Variants in PIP4K2B observed in about 807,000 individuals in gnomAD.
The protein encoded by PIP4K2B is phosphatidylinositol-5-phosphate 4-kinase type 2 beta, also known as phosphatidylinositol 5-phosphate 4-kinase type-2 beta.
A neutral mutation model predicts 42.0 loss-of-function variants in PIP4K2B; 3 were observed. The ratio of observed to expected loss-of-function variants is 0.07; its 90% CI spans 0.03 to 0.18. PIP4K2B has a LOEUF of 0.18. Ranked by LOEUF, PIP4K2B falls within the 10% of genes least tolerant of loss-of-function variation. The pLI is 1.00. For missense variants in PIP4K2B, 332 were observed against 562.3 expected (o/e 0.59, Z 4.14); for synonymous variants, 204 against 210.1 (o/e 0.97, Z 0.25).
At chr17:38,780,668 T>G in intron 3 of PIP4K2B, 64 bp from the exon 4 acceptor site, 1 of 1,538,668 alleles carries the variant, frequency 6.5e-7, no homozygotes, top group South Asian at 1.2e-5. Context: ...TTTCGCTGAG[T>G]CTTCCCTCAG....
rs376927561 is a variant in PIP4K2B, at chr17:38,799,234, C to A, written c.159+32G>T. The A allele has an allele frequency of 2.6e-6, 4 of 1,556,816 alleles. No homozygotes were observed. The African/African-American group carries it at 5.6e-5, about 22-fold the overall frequency. On this transcript the variant is annotated intron_variant, in intron 1 of 9. Transcript: ENST00000619039. The surrounding 1 kb of genome is among the most constrained non-coding windows in gnomAD (Gnocchi z 4.4). Reference sequence around the variant, plus strand: ...CAGGGGGCGTGGGAGCGCGCGGGGCCGCGCTCAGAGGGGCGCGCAGGAGCT... The same window carrying A: ...CAGGGGGCGTGGGAGCGCGCGGGGCAGCGCTCAGAGGGGCGCGCAGGAGCT...
chr17:38,798,925 G>T (rs537973950), intron 1 of PIP4K2B, among the ~76,000 whole-genome samples: 4 of 152,214 alleles, frequency 2.6e-5, no homozygotes, highest in Non-Finnish European at 5.9e-5. Flanking sequence ...ACAGGATGAG[G>T]GGGGAGGAGG....
intron 7 of PIP4K2B, chr17:38,776,642 C>CA (rs1567654763): frequency 9.1e-6 from 4 of 439,356 alleles, no homozygotes; most frequent in Non-Finnish European, 1.8e-5. Flanking sequence ...AAAAACAAAA[C>CA]AAACAAACAA....
chr17:38,776,544 T>G lies in PIP4K2B; in HGVS notation c.807+1143A>C, dbSNP rs187905018. Reference sequence around the variant, plus strand: ...GGGAGGCTGAGGTAGGAGAATCACTTGAACCCAGGAGGCGGAGGTTGCAGT... The same window carrying G: ...GGGAGGCTGAGGTAGGAGAATCACTGGAACCCAGGAGGCGGAGGTTGCAGT... On this transcript the variant is annotated intron_variant, in intron 7 of 9. Coordinates refer to ENST00000619039, the MANE Select transcript of PIP4K2B (RefSeq NM_003559.5). The G allele has an allele frequency of 2.8e-3, 1,101 of 391,904 alleles. 9 individuals carry two copies. The highest frequency in any genetic ancestry group is 5.7e-3 in the South Asian group (309 of 54,158). The allele number at this position is 391,904 out of a possible 1,614,324, so 24.3% of individuals were successfully genotyped here. A position where few individuals can be genotyped will look rare whatever the true frequency, so the allele number is the denominator to read the frequency against.
intron 1 of PIP4K2B, among the ~76,000 whole-genome samples, chr17:38,791,438 T>TA (rs1177076249): frequency 7.6e-6 from 1 of 132,438 alleles, no homozygotes; most frequent in Non-Finnish European, 1.5e-5. Context: ...TTTTTTGAGA[T>TA]AGAGCTTTGC....
chr17:38,786,344 CAA>C (rs1463435205), intron 2 of PIP4K2B, among the ~76,000 whole-genome samples: 1 of 152,314 alleles, frequency 6.6e-6, no homozygotes, highest in East Asian at 1.9e-4. Flanking sequence ...CGACAGCAGA[CAA>C]AAATGGGAAG....
intron 1 of PIP4K2B, among the ~76,000 whole-genome samples, chr17:38,798,898 A>G (rs1294607233): frequency 1.3e-5 from 2 of 151,736 alleles, no homozygotes; most frequent in Non-Finnish European, 2.9e-5. Context: ...AACAAGGGGG[A>G]ATATACACCC....
intron 2 of PIP4K2B, among the ~76,000 whole-genome samples, chr17:38,786,219 A>G (rs1910002541): frequency 6.6e-6 from 1 of 152,194 alleles, no homozygotes; most frequent in Non-Finnish European, 1.5e-5. Flanking sequence ...GAGGGATGGA[A>G]AATCCAGGCC....
chr17:38,766,704 A>G lies in PIP4K2B; in HGVS notation c.*2987T>C, dbSNP rs1292569808. The G allele has an allele frequency of 2.6e-5, 4 of 152,732 alleles. No individual in the cohort carries two copies. The East Asian group carries it at 7.7e-4, about 29-fold the overall frequency. The allele number at this position is 152,732 out of a possible 1,614,324, so 9.5% of individuals were successfully genotyped here. ...CAGACCAGCAACCCCTGAGCTAAAGAAGGAGAGGTGGAGCACTGCTTCAGT... is the reference window on the plus strand; with the variant it reads ...CAGACCAGCAACCCCTGAGCTAAAGGAGGAGAGGTGGAGCACTGCTTCAGT... On this transcript the variant is annotated 3_prime_UTR_variant, in exon 10 of 10. Coordinates refer to ENST00000619039, the MANE Select transcript of PIP4K2B (RefSeq NM_003559.5).
At chr17:38,770,803 C>T (rs663404) in intron 8 of PIP4K2B, among the ~76,000 whole-genome samples, 22,733 of 151,946 alleles carry the variant, frequency 0.15, 1,905 homozygotes, top group East Asian at 0.26. Flanking sequence ...CTTCAGTCAG[C>T]CAGGACAAGC....
At chr17:38,780,963 G>A (rs1350638668) in intron 3 of PIP4K2B, among the ~76,000 whole-genome samples, 1 of 152,178 alleles carries the variant, frequency 6.6e-6, no homozygotes, top group African/African-American at 2.4e-5. Flanking sequence ...TATGACCTTG[G>A]GTGAGCCATT....
intron 7 of PIP4K2B, among the ~76,000 whole-genome samples, chr17:38,772,046 G>A (rs890842051): frequency 1.3e-5 from 2 of 152,042 alleles, no homozygotes; most frequent in African/African-American, 4.8e-5. Flanking sequence ...TAAAAAAAGA[G>A]GCCATGGCCA....
At chr17:38,782,817 T>C (rs1057412210) in intron 3 of PIP4K2B, among the ~76,000 whole-genome samples, 1 of 152,128 alleles carries the variant, frequency 6.6e-6, no homozygotes, top group Non-Finnish European at 1.5e-5. Context: ...TGGGCATCCA[T>C]TCTAGGTTTC....
intron 3 of PIP4K2B, among the ~76,000 whole-genome samples, chr17:38,781,514 G>C (rs1445759577): frequency 6.6e-6 from 1 of 152,032 alleles, no homozygotes; most frequent in African/African-American, 2.4e-5. Flanking sequence ...TCTTAATGAG[G>C]ATCCTGTTAT....
intron 1 of PIP4K2B, among the ~76,000 whole-genome samples, chr17:38,793,528 G>A (rs375174270): frequency 6.6e-6 from 1 of 152,156 alleles, no homozygotes; most frequent in Non-Finnish European, 1.5e-5. Context: ...ACAGGCGTGA[G>A]CCACCATGCC....
intron 3 of PIP4K2B, among the ~76,000 whole-genome samples, chr17:38,783,083 T>C (rs1054621622): frequency 4.7e-5 from 7 of 148,482 alleles, no homozygotes; most frequent in African/African-American, 1.7e-4. Context: ...TAATCCCAGC[T>C]ACTCGGGAGG....
chr17:38,779,016 A>G (rs1909532041), intron 5 of PIP4K2B, among the ~76,000 whole-genome samples: 1 of 152,200 alleles, frequency 6.6e-6, no homozygotes, highest in South Asian at 2.1e-4. Context: ...GGAGCACCCT[A>G]GTTCACAGCC....
chr17:38,776,628 A>T (rs1050337330), intron 7 of PIP4K2B: 4 of 435,152 alleles, frequency 9.2e-6, no homozygotes, highest in Non-Finnish European at 1.8e-5. Flanking sequence ...AGAATCTCCT[A>T]AAAAAAAACA....
rs573568725 is a variant in PIP4K2B, at chr17:38,793,267, C to T, written c.159+5999G>A. On this transcript the variant is annotated intron_variant, in intron 1 of 9. Transcript: ENST00000619039. ...TTTTCTTTTTTTTTTTTTTTTGAGA[C>T]GGAGTTTTGCTCGTCACCCAGGCTG... Among the ~76,000 whole-genome samples the T allele has an allele frequency of 4.2e-4, 55 of 130,366 alleles. No homozygotes were observed. In the East Asian group the frequency reaches 9.2e-3, roughly 22 times the overall value. The allele number at this position is 130,366 out of a possible 152,430, so 85.5% of individuals were successfully genotyped here.
Sources: allele counts gnomAD v4.1 joint callset (sites outside exome capture counted in the v4.1 genomes callset), GRCh38; gene constraint gnomAD v4.1.1; non-coding constraint Gnocchi (gnomAD v3.1); transcripts MANE v1.5; gene names NCBI Gene and HGNC (gene_info 2026-07-23, HGNC 2026-07-21).